The following LRCH2 variants were observed in gnomAD, a reference collection of about 807,000 sequenced individuals.
The protein encoded by LRCH2 is leucine rich repeats and calponin homology domain containing 2.
In LRCH2, 38 loss-of-function variants were observed where a neutral mutation model predicts 68.9. The ratio of observed to expected loss-of-function variants is 0.55; its 90% CI spans 0.43 to 0.72. LRCH2 has a LOEUF of 0.72. Among genes scored for constraint, LRCH2 ranks in the 30% least tolerant of loss-of-function variants. LRCH2 has a pLI of 0.00. For missense variants in LRCH2, 528 were observed against 572.9 expected (o/e 0.92, Z 0.80); for synonymous variants, 191 against 208.1 (o/e 0.92, Z 0.71).
At chrX:115,150,843 T>C (rs1006846032) in intron 12 of LRCH2, among the ~76,000 whole-genome samples, 2 of 110,815 alleles carry the variant, frequency 1.8e-5, no homozygotes, top group Non-Finnish European at 3.8e-5. Flanking sequence ...CAAAAGTTAA[T>C]AGCTTTCCTA....
intron 1 of LRCH2, among the ~76,000 whole-genome samples, chrX:115,195,467 A>G (rs1240160423): frequency 9.2e-6 from 1 of 108,503 alleles, no homozygotes; most frequent in Non-Finnish European, 1.9e-5. Context: ...TAGTCATGAG[A>G]AAACACAGTA....
chrX:115,134,097 C>T (rs1006254661), intron 14 of LRCH2, among the ~76,000 whole-genome samples: 2 of 112,059 alleles, frequency 1.8e-5, no homozygotes, highest in Admixed American at 9.5e-5. Flanking sequence ...TTTGAGTGGT[C>T]TGGATAGAAT....
At chrX:115,200,191 A>G (rs1556565597) in intron 1 of LRCH2, among the ~76,000 whole-genome samples, 1 of 111,975 alleles carries the variant, frequency 8.9e-6, no homozygotes, top group Non-Finnish European at 1.9e-5. Context: ...CAAAAAAAAG[A>G]AAGATTACAA....
At chrX:115,123,219 G>A (rs1452864392) in intron 17 of LRCH2, 27 bp from the exon 18 acceptor site, 14 of 1,113,857 alleles carry the variant, frequency 1.3e-5, no homozygotes, top group African/African-American at 1.8e-5. Flanking sequence ...TTCCTAACTT[G>A]TTACAAAGTT....
rs184117468 is a variant in LRCH2, at chrX:115,135,282, C to A, written c.1696-5083G>T. 2.6e-3 allele frequency among the ~76,000 whole-genome samples: 283 copies of A among 108,358 alleles called. 1 individual carries two copies. The highest frequency in any genetic ancestry group is 3.9e-3 in the Non-Finnish European group (206 of 52,319). 94.1% of individuals were successfully genotyped at this position (108,358 alleles called of 115,157 possible). On this transcript the variant is annotated intron_variant, in intron 14 of 20. Transcript: ENST00000317135. ...AGAGGGGACTACAGGCATGTGCCACCGTGACCAGCTAATTTTTTTGTATTT... is the reference window on the plus strand; with the variant it reads ...AGAGGGGACTACAGGCATGTGCCACAGTGACCAGCTAATTTTTTTGTATTT...
chrX:115,208,162 T>C (rs916611170), intron 1 of LRCH2, among the ~76,000 whole-genome samples: 1 of 112,440 alleles, frequency 8.9e-6, no homozygotes, highest in African/African-American at 3.2e-5. Context: ...TAATTTGTTA[T>C]GGCAGGCACA....
chrX:115,143,269 C>A, intron 14 of LRCH2, among the ~76,000 whole-genome samples: 1 of 110,531 alleles, frequency 9.0e-6, no homozygotes, highest in Non-Finnish European at 1.9e-5. Flanking sequence ...GGGAGAAGAC[C>A]CAAATAAAAT....
intron 12 of LRCH2, among the ~76,000 whole-genome samples, chrX:115,152,689 A>G (rs1556538556): frequency 9.0e-6 from 1 of 111,313 alleles, no homozygotes; most frequent in African/African-American, 3.3e-5. Context: ...AATGATAGAA[A>G]ACATATCTGA....
rs782155114 is a variant in LRCH2 at position 115,219,889 on chromosome X, T to C, written c.349+13804A>G. Among the ~76,000 whole-genome samples the C allele has an allele frequency of 9.0e-5, 10 of 111,534 alleles. No homozygotes were observed. The South Asian group carries it at 1.5e-3, about 17-fold the overall frequency. Reference sequence around the variant, plus strand: ...CCCCAAGACTTGAGACAGATTGTGGTTGAGCCTTGCCTATGTGGCCTATGT... The same window carrying C: ...CCCCAAGACTTGAGACAGATTGTGGCTGAGCCTTGCCTATGTGGCCTATGT... On this transcript the variant is annotated intron_variant, in intron 1 of 20. Coordinates refer to ENST00000317135, the MANE Select transcript of LRCH2 (RefSeq NM_020871.4).
At chrX:115,135,994 A>C (rs1473234617) in intron 14 of LRCH2, among the ~76,000 whole-genome samples, 1 of 112,243 alleles carries the variant, frequency 8.9e-6, no homozygotes, top group Non-Finnish European at 1.9e-5. Flanking sequence ...TATTCATGTG[A>C]CTTGCTTTAT....
intron 1 of LRCH2, among the ~76,000 whole-genome samples, chrX:115,231,910 TG>T (rs1569518406): frequency 9.0e-6 from 1 of 111,464 alleles, no homozygotes; most frequent in African/African-American, 3.3e-5. Flanking sequence ...ATAAGTACCA[TG>T]GGAATTCAAA....
intron 2 of LRCH2, among the ~76,000 whole-genome samples, chrX:115,185,244 C>T (rs1456185142): frequency 8.9e-6 from 1 of 111,992 alleles, no homozygotes; most frequent in Admixed American, 9.5e-5. Context: ...CACAGTGATC[C>T]TCATTTTGCA....
intron 14 of LRCH2, among the ~76,000 whole-genome samples, chrX:115,145,153 T>C (rs1318758821): frequency 9.0e-6 from 1 of 110,861 alleles, no homozygotes; most frequent in Non-Finnish European, 1.9e-5. Context: ...ACACCTACAG[T>C]GAACTCAATT....
chrX:115,116,636 C>T (rs1252925399), intron 20 of LRCH2, among the ~76,000 whole-genome samples: 1 of 111,062 alleles, frequency 9.0e-6, no homozygotes, highest in African/African-American at 3.3e-5. Context: ...TTTAATTGTA[C>T]ACTTTAAATC....
At chrX:115,151,465 C>T (rs1281798794) in intron 12 of LRCH2, among the ~76,000 whole-genome samples, 2 of 110,154 alleles carry the variant, frequency 1.8e-5, no homozygotes, top group Non-Finnish European at 3.8e-5. Context: ...TACCTCATAC[C>T]AAATATCAAA....
intron 14 of LRCH2, among the ~76,000 whole-genome samples, chrX:115,134,982 C>T (rs1355147736): frequency 3.6e-5 from 4 of 110,972 alleles, no homozygotes; most frequent in African/African-American, 9.8e-5. Context: ...TCAACATTAA[C>T]GAGAGTTTGG....
chrX:115,177,196 C>T (rs965852697), intron 5 of LRCH2, among the ~76,000 whole-genome samples: 1 of 108,076 alleles, frequency 9.3e-6, no homozygotes, highest in Non-Finnish European at 1.9e-5. Flanking sequence ...TACCAAAGTT[C>T]CAAAGTACTG....
rs782142083 is a variant in LRCH2 at position 115,149,858 on chromosome X, C to T, written c.1664G>A (p.Arg555Gln). 1.1e-5 allele frequency: 13 copies of T among 1,197,488 alleles called. No homozygotes were observed. Among genetic ancestry groups the T allele is most frequent in the South Asian group, 3.6e-5 (2 of 55,610 alleles). The change falls in exon 14 of 21, where the codon CGG (arginine) becomes CAG (glutamine). Residue 555 changes from arginine to glutamine, a missense_variant. Physicochemically the swap from Arg to Gln is conservative, Grantham distance 43. Coordinates refer to ENST00000317135, the MANE Select transcript of LRCH2 (RefSeq NM_020871.4). ...ATATTCTTTTCTAATCTGTTTGCTC[C>T]GCCTCCTTTCTTCACTCTGCCAGAT... ...PIIWQSEERR[R>Q]SKQIRKEYFK...
chrX:115,118,713 CA>C (rs2072106991), intron 20 of LRCH2, among the ~76,000 whole-genome samples: 1 of 110,662 alleles, frequency 9.0e-6, no homozygotes, highest in Admixed American at 9.6e-5. Context: ...GAGACACAAC[CA>C]AAAAAGAGAA....
Sources: allele counts gnomAD v4.1 joint callset (sites outside exome capture counted in the v4.1 genomes callset), GRCh38; gene constraint gnomAD v4.1.1; transcripts MANE v1.5; gene names NCBI Gene and HGNC (gene_info 2026-07-23, HGNC 2026-07-21).